DIP2B: variants seen among roughly 807,000 people sequenced by gnomAD.
DIP2B encodes DIP2 acetate--CoA ligase B (putative).
Under a neutral mutation model 198.0 loss-of-function variants are expected in DIP2B, and 76 were observed. The ratio of observed to expected loss-of-function variants is 0.38; its 90% CI spans 0.32 to 0.46. The LOEUF (loss-of-function observed/expected upper bound fraction) is 0.46, where lower values mean the gene tolerates loss of function less well. Among genes scored for constraint, DIP2B ranks in the 20% least tolerant of loss-of-function variants. The pLI is 0.99. For synonymous variants in DIP2B, 701 were observed against 739.1 expected (o/e 0.95, Z 0.84); for missense variants, 1,559 against 1,978.4 (o/e 0.79, Z 4.02).
intron 1 of DIP2B, among the ~76,000 whole-genome samples, chr12:50,589,506 C>G (rs572523805): frequency 6.6e-6 from 1 of 152,220 alleles, no homozygotes; most frequent in Non-Finnish European, 1.5e-5. Flanking sequence ...GGTCATCCTT[C>G]AGGAGTAGCC....
At position 50,505,081 on chromosome 12, in the gene DIP2B, C is replaced by T. The variant is rs1349706991; in HGVS notation, c.-60C>T. On this transcript the variant is annotated 5_prime_UTR_variant, in exon 1 of 38. Transcript: ENST00000301180. The stretch of plus-strand genomic sequence containing the variant: ...CCTGTAGCCGGGTGTGGGCCCGTGT[C>T]TGTCCGTCCCTCCTTCGGCCCCCTC... The T allele has an allele frequency of 8.2e-6, 12 of 1,470,746 alleles. No homozygotes were observed. The highest frequency in any genetic ancestry group is 2.2e-4 in the Middle Eastern group (1 of 4,584). 91.1% of individuals were successfully genotyped at this position (1,470,746 alleles called of 1,614,324 possible).
chr12:50,629,985 C>G (rs1446921728), intron 2 of DIP2B, among the ~76,000 whole-genome samples: 1 of 144,932 alleles, frequency 6.9e-6, no homozygotes, highest in African/African-American at 2.6e-5. Flanking sequence ...AGTCCTTGCT[C>G]TGTCGCCAGG....
intron 2 of DIP2B, among the ~76,000 whole-genome samples, chr12:50,633,969 A>G (rs909374544): frequency 3.9e-5 from 6 of 152,176 alleles, no homozygotes; most frequent in Admixed American, 6.5e-5. Flanking sequence ...ACAAATTAAA[A>G]TTTATAAGAT....
intron 1 of DIP2B, among the ~76,000 whole-genome samples, chr12:50,610,533 C>T (rs1320318744): frequency 3.3e-5 from 5 of 149,876 alleles, no homozygotes; most frequent in African/African-American, 1.2e-4. Flanking sequence ...GAGACAGAGT[C>T]TTGCTCTGTA....
intron 22 of DIP2B, among the ~76,000 whole-genome samples, chr12:50,713,550 G>T (rs1939657774): frequency 6.6e-6 from 1 of 152,210 alleles, no homozygotes. Flanking sequence ...TACGCTCAGG[G>T]TAGCTTGTGG....
chr12:50,619,165 T>C (rs907516856), intron 1 of DIP2B, among the ~76,000 whole-genome samples: 1 of 152,182 alleles, frequency 6.6e-6, no homozygotes, highest in African/African-American at 2.4e-5. Flanking sequence ...TCTCTGTCCA[T>C]TAAGACTGCT....
intron 1 of DIP2B, among the ~76,000 whole-genome samples, chr12:50,534,369 A>ATTTTTTTTTTTTTTT: frequency 9.3e-6 from 1 of 107,868 alleles, no homozygotes; most frequent in Non-Finnish European, 1.8e-5. Flanking sequence ...TTCTCATTTC[A>ATTTTTTTTTTTTTTT]TTTTTTTTTT....
intron 1 of DIP2B, among the ~76,000 whole-genome samples, chr12:50,550,015 A>G (rs1052438768): frequency 1.3e-5 from 2 of 152,066 alleles, no homozygotes; most frequent in Non-Finnish European, 2.9e-5. Flanking sequence ...TTGATTTTCT[A>G]GGAGCTCTGG....
rs1041180993 is a variant in DIP2B, at chr12:50,713,779, G to C, written c.2650-616G>C. ...CTAGGTTTTTGACATTATCACTTAAGAGAGAACATATTGGCTGGGCATGGT... is the reference window on the plus strand; with the variant it reads ...CTAGGTTTTTGACATTATCACTTAACAGAGAACATATTGGCTGGGCATGGT... On this transcript the variant is annotated intron_variant, in intron 22 of 37. Coordinates refer to ENST00000301180, the MANE Select transcript of DIP2B (RefSeq NM_173602.3). Among the ~76,000 whole-genome samples the C allele has an allele frequency of 9.7e-5, 12 of 123,928 alleles. No individual in the cohort carries two copies. In the Admixed American group the frequency reaches 1.1e-3, roughly 11 times the overall value. 81.3% of individuals were successfully genotyped at this position (123,928 alleles called of 152,430 possible).
chr12:50,506,465 C>T (rs1023178035), intron 1 of DIP2B, among the ~76,000 whole-genome samples: 26 of 152,192 alleles, frequency 1.7e-4, no homozygotes, highest in Non-Finnish European at 3.8e-4. Flanking sequence ...TGTTATAAAT[C>T]CTGTTGGGCA....
At position 50,640,763 on chromosome 12, in the gene DIP2B, C is replaced by T. The variant is rs1938241766; in HGVS notation, c.212C>T (p.Thr71Ile). Residue 71 changes from threonine (T) to isoleucine (I), a missense_variant, in exon 3 of 38, where the codon ACA (threonine) becomes ATA (isoleucine). By Grantham distance (89) the Thr-to-Ile change is moderately conservative (BLOSUM62 -1). Coordinates refer to ENST00000301180, the MANE Select transcript of DIP2B (RefSeq NM_173602.3). The stretch of plus-strand genomic sequence containing the variant: ...GTACAGAAAGAACTTAGAAACCAGA[C>T]ACCTGCTCCATCTGCAGCTCAAACT... ...SAVQKELRNQTPAPSAAQTSA... is the reference protein window; with the variant it reads ...SAVQKELRNQIPAPSAAQTSA... 6.2e-7 allele frequency: 1 copy of T among 1,613,950 alleles called. No homozygotes were observed. Among genetic ancestry groups the T allele is most frequent in the East Asian group, 2.2e-5 (1 of 44,872 alleles).
chr12:50,727,653 T>G, intron 28 of DIP2B, 50 bp from the exon 29 acceptor site: 1 of 1,536,280 alleles, frequency 6.5e-7, no homozygotes, highest in Non-Finnish European at 9.0e-7. Flanking sequence ...GCAATGATTT[T>G]CATGTTCCAG....
intron 5 of DIP2B, among the ~76,000 whole-genome samples, chr12:50,672,396 T>G (rs1470378082): frequency 1.3e-5 from 2 of 152,174 alleles, no homozygotes; most frequent in Non-Finnish European, 2.9e-5. Context: ...GCTACAAAGA[T>G]TTGCGTATTC....
At chr12:50,606,527 T>G (rs1297309673) in intron 1 of DIP2B, among the ~76,000 whole-genome samples, 1 of 152,230 alleles carries the variant, frequency 6.6e-6, no homozygotes, top group Non-Finnish European at 1.5e-5. Flanking sequence ...TCATTTACAA[T>G]AATGATGCTA....
intron 1 of DIP2B, among the ~76,000 whole-genome samples, chr12:50,514,193 G>A (rs1958044023): frequency 6.6e-6 from 1 of 151,416 alleles, no homozygotes; most frequent in Non-Finnish European, 1.5e-5. Flanking sequence ...AGCCTTCTGA[G>A]TAGCTGGGAT....
intron 35 of DIP2B, among the ~76,000 whole-genome samples, chr12:50,739,205 A>G (rs774592594): frequency 2.6e-5 from 4 of 152,234 alleles, no homozygotes; most frequent in Non-Finnish European, 4.4e-5. Flanking sequence ...CATTGTATGA[A>G]CTATGTTGTC....
At chr12:50,716,958 C>CTTTTTT (rs4026694) in intron 23 of DIP2B, among the ~76,000 whole-genome samples, 3,611 of 58,872 alleles carry the variant, frequency 0.061, 806 homozygotes, top group East Asian at 0.25. Flanking sequence ...CGAATTGTTG[C>CTTTTTT]TTTTTTTTTT....
intron 19 of DIP2B, 143 bp from the exon 20 acceptor site, chr12:50,703,994 TTTC>T (rs1939469176): frequency 3.8e-6 from 2 of 524,364 alleles, no homozygotes; most frequent in South Asian, 4.8e-5. Flanking sequence ...ATTGTAATTA[TTTC>T]TTATCTCTAA....
chr12:50,712,255 T>C (rs1939629515), intron 22 of DIP2B, among the ~76,000 whole-genome samples: 1 of 152,188 alleles, frequency 6.6e-6, no homozygotes, highest in African/African-American at 2.4e-5. Context: ...TTGTATCTCT[T>C]GTTCAATAAG....
Sources: allele counts gnomAD v4.1 joint callset (sites outside exome capture counted in the v4.1 genomes callset), GRCh38; gene constraint gnomAD v4.1.1; transcripts MANE v1.5; gene names NCBI Gene and HGNC (gene_info 2026-07-23, HGNC 2026-07-21).